CACNA1H: variants seen among roughly 807,000 people sequenced by gnomAD.
CACNA1H encodes the protein calcium voltage-gated channel subunit alpha1 H.
Under a neutral mutation model 192.5 loss-of-function variants are expected in CACNA1H, and 149 were observed. That is an observed-to-expected ratio of 0.77 (90% confidence interval 0.68 to 0.89). The LOEUF (loss-of-function observed/expected upper bound fraction) is 0.89, where lower values mean the gene tolerates loss of function less well. Among genes scored for constraint, CACNA1H ranks in the 40% least tolerant of loss-of-function variants. The pLI, the probability that CACNA1H is intolerant of heterozygous loss-of-function variation, is 0.00. For synonymous variants in CACNA1H, 2,202 were observed against 1,475.2 expected (o/e 1.49, Z -11.29); for missense variants, 4,257 against 3,423.5 (o/e 1.24, Z -6.08).
rs1193858841 is a variant in CACNA1H, at chr16:1,207,769, G to A, written c.3064-1G>A. ...CCTGCCTTGTGCTTTGTTGGGTTTA[G>A]GGCGATGCCAACAGATCCGACACGG... On this transcript the variant is annotated splice_acceptor_variant, in intron 14 of 34. Transcript: ENST00000348261. LOFTEE classifies it high-confidence loss of function. 1.9e-6 allele frequency: 3 copies of A among 1,593,062 alleles called. No individual in the cohort carries two copies. Among genetic ancestry groups the A allele is most frequent in the Non-Finnish European group, 2.6e-6 (3 of 1,170,426 alleles).
At chr16:1,208,662 C>A (rs1006520585) in intron 16 of CACNA1H, among the ~76,000 whole-genome samples, 1 of 152,120 alleles carries the variant, frequency 6.6e-6, no homozygotes, top group Non-Finnish European at 1.5e-5. Context: ...ACAACAGACA[C>A]GGAGGATGGG....
At chr16:1,162,647 G>GC (rs1963336422) in intron 2 of CACNA1H, among the ~76,000 whole-genome samples, 1 of 151,728 alleles carries the variant, frequency 6.6e-6, no homozygotes, top group Non-Finnish European at 1.5e-5. Context: ...AGTGGGGGGG[G>GC]GGGGTCCATC....
intron 2 of CACNA1H, among the ~76,000 whole-genome samples, chr16:1,155,753 C>T (rs1426003372): frequency 6.6e-6 from 1 of 152,126 alleles, no homozygotes; most frequent in African/African-American, 2.4e-5. Context: ...GGCTGTGTGT[C>T]TCAGGACTTC....
intron 31 of CACNA1H, among the ~76,000 whole-genome samples, chr16:1,217,265 G>A (rs1355715938): frequency 6.6e-6 from 1 of 152,262 alleles, no homozygotes; most frequent in East Asian, 1.9e-4. Flanking sequence ...CAGACACAGG[G>A]ATGCCTGCCA....
chr16:1,179,241 C>T (rs1273396895), intron 2 of CACNA1H, among the ~76,000 whole-genome samples: 7 of 152,124 alleles, frequency 4.6e-5, no homozygotes, highest in Non-Finnish European at 1.0e-4. Flanking sequence ...TGTGTGGCGG[C>T]CCTGTGGGTG....
intron 5 of CACNA1H, among the ~76,000 whole-genome samples, chr16:1,197,553 A>G (rs371120730): frequency 1.3e-5 from 2 of 152,216 alleles, no homozygotes; most frequent in African/African-American, 4.8e-5. Flanking sequence ...TAATGAGGAC[A>G]CGCTCAGGGC....
chr16:1,210,333 G>GGCC, intron 18 of CACNA1H, 37 bp from the exon 19 acceptor site: 2 of 1,320,232 alleles, frequency 1.5e-6, no homozygotes, highest in Non-Finnish European at 2.1e-6. Context: ...CATCCACGCC[G>GGCC]CCCCGCCCCA....
At chr16:1,197,209 T>C (rs1187217501) in intron 5 of CACNA1H, among the ~76,000 whole-genome samples, 3 of 152,262 alleles carry the variant, frequency 2.0e-5, no homozygotes, top group African/African-American at 7.2e-5. Context: ...AGCAACTAGC[T>C]GAGCCTGAAC....
chr16:1,202,932 C>T (rs1264387468), intron 9 of CACNA1H, among the ~76,000 whole-genome samples: 1 of 151,936 alleles, frequency 6.6e-6, no homozygotes, highest in Non-Finnish European at 1.5e-5. Flanking sequence ...GAGAGGCTGG[C>T]GTGGGGTTCT....
intron 17 of CACNA1H, 75 bp from the exon 18 acceptor site, chr16:1,209,960 C>G (rs1969225847): frequency 5.4e-6 from 6 of 1,119,676 alleles, no homozygotes; most frequent in Non-Finnish European, 7.7e-6. Flanking sequence ...GGTGGCCGAG[C>G]TGAGCACAGA....
At chr16:1,165,839 G>T (rs1567442127) in intron 2 of CACNA1H, among the ~76,000 whole-genome samples, 1 of 152,220 alleles carries the variant, frequency 6.6e-6, no homozygotes, top group African/African-American at 2.4e-5. Flanking sequence ...GAGGTTTGGG[G>T]CTGGGAGCTG....
intron 21 of CACNA1H, 35 bp downstream of exon 21, chr16:1,211,006 G>A: frequency 6.3e-7 from 1 of 1,582,622 alleles, no homozygotes; most frequent in Non-Finnish European, 8.6e-7. Context: ...GGGGCAACCT[G>A]GAAGCACAGT....
At chr16:1,217,783 C>T (rs1382181360) in intron 31 of CACNA1H, 136 bp from the exon 32 acceptor site, 8 of 1,222,096 alleles carry the variant, frequency 6.5e-6, no homozygotes, top group African/African-American at 4.6e-5. Flanking sequence ...CAGGGCGAAC[C>T]GCCAGGGCCT....
rs1284518351 is a variant in CACNA1H, at chr16:1,168,373, C to T, written c.299+14337C>T. Among the ~76,000 whole-genome samples the T allele has an allele frequency of 3.9e-5, 6 of 152,064 alleles. No individual in the cohort carries two copies. In the East Asian group the frequency reaches 9.7e-4, roughly 25 times the overall value. On this transcript the variant is annotated intron_variant, in intron 2 of 34. Coordinates refer to ENST00000348261, the MANE Select transcript of CACNA1H (RefSeq NM_021098.3). ...GTCCATGCAGTCCGACCACCCACCC[C>T]GGGGCGTGGTTCTAGGATGGGGCCA...
chr16:1,181,910 G>GT (rs879455563), intron 2 of CACNA1H, among the ~76,000 whole-genome samples: 141 of 152,156 alleles, frequency 9.3e-4, no homozygotes, highest in African/African-American at 3.2e-3. Flanking sequence ...ACACACATGC[G>GT]CCCCTCACAC....
intron 10 of CACNA1H, 42 bp from the exon 11 acceptor site, chr16:1,205,072 C>A: frequency 6.4e-7 from 1 of 1,562,398 alleles, no homozygotes; most frequent in South Asian, 1.1e-5. Context: ...GGGTGGGAGC[C>A]GCGGGTGCGG....
At position 1,202,393 on chromosome 16, in the gene CACNA1H, C is replaced by G; in HGVS notation, c.1943C>G (p.Pro648Arg). 1 of 1,545,496 alleles carries G rather than the reference C, an allele frequency of 6.5e-7. No homozygotes were observed. Among genetic ancestry groups the G allele is most frequent in the Non-Finnish European group, 8.7e-7 (1 of 1,145,878 alleles). Residue 648 changes from proline to arginine, a missense_variant, in exon 9 of 35, where the codon CCG (proline) becomes CGG (arginine). Transcript: ENST00000348261. The stretch of plus-strand genomic sequence containing the variant: ...CCGCCAGGCACCGGGGGGCACGGCC[C>G]GTTGAGCTTGAACAGCCCTGATCCC... ...GGPPGTGGHG[P>R]LSLNSPDPYE... is the part of the protein sequence containing the mutation.
At chr16:1,171,001 CCT>C in intron 2 of CACNA1H, among the ~76,000 whole-genome samples, 1 of 152,128 alleles carries the variant, frequency 6.6e-6, no homozygotes, top group Non-Finnish European at 1.5e-5. Context: ...CAGGGCAGAT[CCT>C]CTCTCTAGCT....
intron 2 of CACNA1H, among the ~76,000 whole-genome samples, chr16:1,183,970 C>T (rs1264456947): frequency 6.6e-6 from 1 of 152,256 alleles, no homozygotes; most frequent in Admixed American, 6.5e-5. Context: ...GAAGGTGCGT[C>T]TGCCTCGGCA....
Sources: allele counts gnomAD v4.1 joint callset (sites outside exome capture counted in the v4.1 genomes callset), GRCh38; gene constraint gnomAD v4.1.1; transcripts MANE v1.5; gene names NCBI Gene and HGNC (gene_info 2026-07-23, HGNC 2026-07-21).